Variants in UBA52 observed in about 807,000 individuals in gnomAD.
UBA52 encodes the protein ubiquitin-ribosomal protein eL40 fusion protein.
In UBA52, 1 loss-of-function variant was observed where a neutral mutation model predicts 15.3. The observed-to-expected ratio is 0.07, with a 90% confidence interval of 0.02 to 0.31. The LOEUF (loss-of-function observed/expected upper bound fraction) is 0.31. Ranked by LOEUF, UBA52 falls within the 10% of genes least tolerant of loss-of-function variation. UBA52 has a pLI of 1.00. For missense variants in UBA52, 87 were observed against 168.0 expected (o/e 0.52, Z 2.66); for synonymous variants, 50 against 58.3 (o/e 0.86, Z 0.65).
chr19:18,563,873 C>G, the UBA52 span, among the ~76,000 whole-genome samples: 1 of 151,668 alleles, frequency 6.6e-6, no homozygotes, highest in East Asian at 2.0e-4. Flanking sequence ...CACCCTGCCT[C>G]AACCTCCTAA....
chr19:18,573,244 T>C, intron 1 of UBA52, 49 bp from the exon 2 acceptor site: 10 of 1,557,684 alleles, frequency 6.4e-6, no homozygotes, highest in Non-Finnish European at 8.9e-6. Context: ...CTTGTGCTAC[T>C]CAGGCATGCA....
rs1975601424 is a variant in UBA52, at chr19:18,573,287, C to T, written c.-8-6C>T. 4 of 1,613,928 alleles carry T rather than the reference C, an allele frequency of 2.5e-6. No individual in the cohort carries two copies. In the East Asian group the frequency reaches 6.7e-5, roughly 27 times the overall value. On this transcript the variant is annotated splice_region_variant and splice_polypyrimidine_tract_variant and intron_variant, in intron 1 of 4. Coordinates refer to ENST00000442744, the MANE Select transcript of UBA52 (RefSeq NM_001033930.3). ...CCAGTCTATCCTGCCTCCCTTCCTCCTGCAGACGCAAACATGCAGATCTTT... is the reference window on the plus strand; with the variant it reads ...CCAGTCTATCCTGCCTCCCTTCCTCTTGCAGACGCAAACATGCAGATCTTT...
In UBA52 at chr19:18,573,771, G is replaced by A. The variant is rs544813882; in HGVS notation, c.190+23G>A. ...AAGGTACCGGGGTTGGGGTTGCTGG[G>A]CAGGGACCCAAGATCCCCAGGTCCT... On this transcript the variant is annotated intron_variant, in intron 3 of 4. Transcript: ENST00000442744. 21 of 1,610,522 alleles carry A rather than the reference G, an allele frequency of 1.3e-5. No individual in the cohort carries two copies. In the South Asian group the frequency reaches 1.5e-4, roughly 12 times the overall value.
chr19:18,564,909 T>C, the UBA52 span: 1 of 1,613,800 alleles, frequency 6.2e-7, no homozygotes, highest in South Asian at 1.1e-5. Flanking sequence ...GCTGCTCAAC[T>C]TCAACAACCT....
At chr19:18,569,024 C>T (rs1226847114), upstream of UBA52, 6 of 236,806 alleles carry the variant, frequency 2.5e-5, no homozygotes, top group South Asian at 1.3e-4. Flanking sequence ...TGCACAAGCA[C>T]GGTCTCCTCT....
upstream of UBA52, among the ~76,000 whole-genome samples, chr19:18,567,498 G>A (rs1975308446): frequency 6.6e-6 from 1 of 152,178 alleles, no homozygotes; most frequent in African/African-American, 2.4e-5. Flanking sequence ...CACCAGCCCC[G>A]ACATCGTCTC....
chr19:18,566,424 CAA>C, the UBA52 span, among the ~76,000 whole-genome samples: 3 of 142,700 alleles, frequency 2.1e-5, no homozygotes, highest in Admixed American at 2.2e-4. Context: ...CCACTGCACT[CAA>C]GCCTGGGCGA....
chr19:18,564,075 C>A, the UBA52 span, among the ~76,000 whole-genome samples: 1 of 152,010 alleles, frequency 6.6e-6, no homozygotes, highest in East Asian at 1.9e-4. Flanking sequence ...TTGGTAGAGA[C>A]GCGGTTTTCC....
chr19:18,570,026 T>C, upstream of UBA52, among the ~76,000 whole-genome samples: 1 of 152,076 alleles, frequency 6.6e-6, no homozygotes, highest in Non-Finnish European at 1.5e-5. Context: ...ACCAAAACTG[T>C]TGTCTCAAAA....
the UBA52 span, among the ~76,000 whole-genome samples, chr19:18,566,064 C>T: frequency 1.3e-5 from 2 of 152,154 alleles, no homozygotes; most frequent in Non-Finnish European, 2.9e-5. Context: ...GTCCTGGCCT[C>T]AGATGATCCA....
upstream of UBA52, among the ~76,000 whole-genome samples, chr19:18,566,772 G>T (rs1357274176): frequency 2.0e-5 from 3 of 151,002 alleles, no homozygotes; most frequent in Non-Finnish European, 4.4e-5. Context: ...CACCCTGGGC[G>T]ACAGAGTGAG....
chr19:18,566,114 A>G, the UBA52 span, among the ~76,000 whole-genome samples: 1 of 151,900 alleles, frequency 6.6e-6, no homozygotes, highest in Non-Finnish European at 1.5e-5. Flanking sequence ...TATAGGCATG[A>G]GCCATCATGC....
At position 18,575,713 on chromosome 19, in the gene UBA52, C is replaced by G. The variant is rs1037460711; in HGVS notation, c.*563C>G. ...TGTTGGGATTACAAGCAAGAACTGC[C>G]ATGCCTGACCCAGTTCTCAGTTTTT... is the stretch of plus-strand genomic sequence containing the variant. On this transcript the variant is annotated 3_prime_UTR_variant, in exon 5 of 5. Coordinates refer to ENST00000442744, the MANE Select transcript of UBA52 (RefSeq NM_001033930.3). 1 of 161,350 alleles carries G rather than the reference C, an allele frequency of 6.2e-6. No homozygotes were observed. Among genetic ancestry groups the G allele is most frequent in the African/African-American group, 2.4e-5 (1 of 41,524 alleles). 10.0% of individuals were successfully genotyped at this position (161,350 alleles called of 1,614,324 possible).
chr19:18,567,560 C>T (rs1223853230), upstream of UBA52, among the ~76,000 whole-genome samples: 1 of 152,218 alleles, frequency 6.6e-6, no homozygotes, highest in African/African-American at 2.4e-5. Context: ...AGCTGTTACC[C>T]ACAGTCACCC....
chr19:18,569,744 G>A (rs1439260979), upstream of UBA52, among the ~76,000 whole-genome samples: 1 of 151,566 alleles, frequency 6.6e-6, no homozygotes, highest in Non-Finnish European at 1.5e-5. Context: ...TAGAAATTAT[G>A]TTGTTATGAC....
chr19:18,572,971 C>T, intron 1 of UBA52: 1 of 1,178,344 alleles, frequency 8.5e-7, no homozygotes, highest in Non-Finnish European at 1.1e-6. Context: ...GTACTTATTC[C>T]ATCAGGAGAT....
At chr19:18,573,537 C>T (rs944771317) in intron 2 of UBA52, 125 bp from the exon 3 acceptor site, 45 of 1,299,462 alleles carry the variant, frequency 3.5e-5, no homozygotes, top group African/African-American at 3.1e-4. Context: ...ATCTGAAGAA[C>T]GTTTGTTATC....
intron 1 of UBA52, 190 bp from the exon 2 acceptor site, chr19:18,573,103 C>T: frequency 8.3e-7 from 1 of 1,201,658 alleles, no homozygotes; most frequent in Non-Finnish European, 1.1e-6. Flanking sequence ...CATGTTTAGA[C>T]TACAGGCCAG....
At chr19:18,565,047 C>CT in the UBA52 span, 1 of 1,595,352 alleles carries the variant, frequency 6.3e-7, no homozygotes, top group Non-Finnish European at 8.5e-7. Context: ...CACCCCAGCC[C>CT]AGCTGACCTC....
Sources: allele counts gnomAD v4.1 joint callset (sites outside exome capture counted in the v4.1 genomes callset), GRCh38; gene constraint gnomAD v4.1.1; transcripts MANE v1.5; gene names NCBI Gene and HGNC (gene_info 2026-07-23, HGNC 2026-07-21).